NRXN1: variants seen among roughly 807,000 people sequenced by gnomAD.
NRXN1 encodes the protein neurexin-1.
A neutral mutation model predicts 150.9 loss-of-function variants in NRXN1; 39 were observed. The observed-to-expected ratio is 0.26, with a 90% confidence interval of 0.20 to 0.34. NRXN1 has a LOEUF of 0.34. Among genes scored for constraint, NRXN1 ranks in the 10% least tolerant of loss-of-function variants. The pLI is 1.00. For missense variants in NRXN1, 1,815 were observed against 1,949.9 expected, an observed-to-expected ratio of 0.93 and a Z score of 1.30; for synonymous variants, 924 against 757.0, an observed-to-expected ratio of 1.22 and a Z score of -3.62.
At chr2:50,479,767 C>CCTTTT (rs2090305325) in intron 15 of NRXN1, among the ~76,000 whole-genome samples, 1 of 79,866 alleles carries the variant, frequency 1.3e-5, no homozygotes, top group African/African-American at 5.1e-5. Context: ...ATTTCTTTTT[C>CCTTTT]TTTTTTTTTT....
In NRXN1 at chr2:50,299,717, A is replaced by G. The variant is rs529099229; in HGVS notation, c.3365-62747T>C. Among the ~76,000 whole-genome samples, 12 of 152,314 alleles carry G rather than the reference A, an allele frequency of 7.9e-5. No individual in the cohort carries two copies. The East Asian group carries it at 2.3e-3, about 29-fold the overall frequency. ...AGGAAGAAATGTAGTTAATCTGTATATCCACATAAAGCAACACAAGTAGTC... is the reference window on the plus strand; with the variant it reads ...AGGAAGAAATGTAGTTAATCTGTATGTCCACATAAAGCAACACAAGTAGTC... On this transcript the variant is annotated intron_variant, in intron 17 of 22. Transcript: ENST00000401669.
At chr2:50,594,291 T>G (rs968333749) in intron 8 of NRXN1, among the ~76,000 whole-genome samples, 1 of 152,246 alleles carries the variant, frequency 6.6e-6, no homozygotes, top group Non-Finnish European at 1.5e-5. Context: ...TCGCATTTCC[T>G]TGGTTTTGTG....
intron 5 of NRXN1, among the ~76,000 whole-genome samples, chr2:50,703,068 T>C (rs1024579502): frequency 1.3e-5 from 2 of 152,110 alleles, no homozygotes; most frequent in Non-Finnish European, 2.9e-5. Context: ...CTCAAATGTT[T>C]TGCTCAAGCA....
chr2:50,310,058 C>T (rs1025701465), intron 17 of NRXN1, among the ~76,000 whole-genome samples: 11 of 152,102 alleles, frequency 7.2e-5, no homozygotes, highest in Admixed American at 3.9e-4. Flanking sequence ...AATTCTAAAA[C>T]GACATGCCTC....
intron 17 of NRXN1, among the ~76,000 whole-genome samples, chr2:50,441,622 T>C (rs10048731): frequency 0.31 from 47,556 of 152,012 alleles, 7,865 homozygotes; most frequent in East Asian, 0.47. Flanking sequence ...TCCTACTCCA[T>C]AGAAACAACA....
At chr2:50,497,261 G>T in intron 14 of NRXN1, 72 bp downstream of exon 14, 1 of 1,207,972 alleles carries the variant, frequency 8.3e-7, no homozygotes, top group Non-Finnish European at 1.1e-6. Context: ...TCTTCTTAGT[G>T]TATATTTTTG....
chr2:50,560,816 T>G (rs879655431), intron 8 of NRXN1, among the ~76,000 whole-genome samples: 3 of 152,116 alleles, frequency 2.0e-5, no homozygotes, highest in Non-Finnish European at 4.4e-5. Flanking sequence ...TTTTTTCCCC[T>G]GATCTAATCT....
At chr2:50,484,963 T>C (rs1027713570) in intron 15 of NRXN1, among the ~76,000 whole-genome samples, 3 of 152,224 alleles carry the variant, frequency 2.0e-5, no homozygotes, top group African/African-American at 7.2e-5. Context: ...GAAGTAATCC[T>C]TTCAAATATT....
chr2:50,037,122 ATATCTT>A (rs149781790), intron 21 of NRXN1, among the ~76,000 whole-genome samples: 4,964 of 152,288 alleles, frequency 0.033, 269 homozygotes, highest in African/African-American at 0.11. Flanking sequence ...CTTAAACAGA[ATATCTT>A]TATTTTGGTT....
chr2:50,403,199 A>G (rs971646990), intron 17 of NRXN1, among the ~76,000 whole-genome samples: 1 of 152,076 alleles, frequency 6.6e-6, no homozygotes, highest in Non-Finnish European at 1.5e-5. Flanking sequence ...AGAATTTACT[A>G]TATACTTAGA....
chr2:50,659,362 C>T (rs910857764), intron 5 of NRXN1, among the ~76,000 whole-genome samples: 1 of 151,876 alleles, frequency 6.6e-6, no homozygotes, highest in African/African-American at 2.4e-5. Flanking sequence ...TTACTTGATC[C>T]ATTTTATTTG....
chr2:50,252,504 C>T (rs988119560), intron 17 of NRXN1, among the ~76,000 whole-genome samples: 1 of 151,968 alleles, frequency 6.6e-6, no homozygotes, highest in Non-Finnish European at 1.5e-5. Flanking sequence ...GGTGATCCAC[C>T]CACCTCTGCC....
intron 18 of NRXN1, among the ~76,000 whole-genome samples, chr2:50,235,013 A>G (rs2065285366): frequency 6.6e-6 from 1 of 152,132 alleles, no homozygotes; most frequent in Non-Finnish European, 1.5e-5. Context: ...AATAAACAAC[A>G]GTGGTTTGAG....
chr2:50,379,108 G>T (rs2103633467), intron 17 of NRXN1, among the ~76,000 whole-genome samples: 1 of 151,638 alleles, frequency 6.6e-6, no homozygotes, highest in Admixed American at 6.6e-5. Flanking sequence ...CAGAGGAGAG[G>T]GATAGAAAGA....
At position 50,927,448 on chromosome 2, in the gene NRXN1, G is replaced by C. The variant is rs144087472; in HGVS notation, c.773-1493C>G. On this transcript the variant is annotated intron_variant, in intron 2 of 22. Transcript: ENST00000401669. ...AACAAAAAAAACTTTCAAATATTTG[G>C]TCTGTGATATTGACTTCTAGTTTGT... Among the ~76,000 whole-genome samples the C allele has an allele frequency of 2.0e-3, 310 of 152,000 alleles. 1 individual carries two copies. Among genetic ancestry groups the C allele is most frequent in the African/African-American group, 7.0e-3 (290 of 41,516 alleles).
intron 15 of NRXN1, among the ~76,000 whole-genome samples, chr2:50,482,787 A>G (rs537395072): frequency 1.6e-4 from 25 of 152,252 alleles, no homozygotes; most frequent in Non-Finnish European, 3.5e-4. Flanking sequence ...CCTTGCTGAT[A>G]AAACAGAATG....
At chr2:50,498,341 C>T (rs2091761070) in intron 13 of NRXN1, among the ~76,000 whole-genome samples, 1 of 152,168 alleles carries the variant, frequency 6.6e-6, no homozygotes, top group South Asian at 2.1e-4. Flanking sequence ...TGCTAGTCTT[C>T]TAAATACATT....
chr2:50,585,055 A>G (rs1672872647), intron 8 of NRXN1, among the ~76,000 whole-genome samples: 1 of 152,150 alleles, frequency 6.6e-6, no homozygotes, highest in East Asian at 1.9e-4. Flanking sequence ...ATAAATTTAC[A>G]TACCTCACCC....
intron 15 of NRXN1, among the ~76,000 whole-genome samples, chr2:50,491,163 CTGGG>C (rs2091230900): frequency 6.6e-6 from 1 of 152,088 alleles, no homozygotes; most frequent in Non-Finnish European, 1.5e-5. Context: ...TGTACAAAGC[CTGGG>C]CATGTTTAAA....
Sources: gnomAD v4.1 joint callset for allele counts (sites outside exome capture counted in the v4.1 genomes callset) on GRCh38, gnomAD v4.1.1 for gene constraint, MANE v1.5 for transcripts, NCBI Gene and HGNC (gene_info 2026-07-23, HGNC 2026-07-21) for gene names.